The following CFAP96 variants were observed in gnomAD, a reference collection of about 807,000 sequenced individuals.
CFAP96 encodes cilia-and flagella-associated protein 96.
the CFAP96 span, among the ~76,000 whole-genome samples, chr4:185,447,413 C>G: frequency 1.3e-5 from 2 of 152,170 alleles, no homozygotes; most frequent in African/African-American, 4.8e-5. Context: ...ATCTCCTGAC[C>G]TCGTGATCCA....
chr4:185,446,385 G>A, the CFAP96 span, among the ~76,000 whole-genome samples: 1 of 152,108 alleles, frequency 6.6e-6, no homozygotes, highest in Admixed American at 6.6e-5. Flanking sequence ...AACTTAGATG[G>A]TGTTCATACT....
chr4:185,420,371 C>T, the CFAP96 span, among the ~76,000 whole-genome samples: 1 of 152,184 alleles, frequency 6.6e-6, no homozygotes, highest in South Asian at 2.1e-4. Flanking sequence ...AAAGTCAAAA[C>T]AATATAAGAA....
At chr4:185,439,814 C>CTG in the CFAP96 span, among the ~76,000 whole-genome samples, 1 of 5,220 alleles carries the variant, frequency 1.9e-4, no homozygotes, top group African/African-American at 2.4e-4. Flanking sequence ...TATACATATA[C>CTG]TCATATATGT....
the CFAP96 span, among the ~76,000 whole-genome samples, chr4:185,436,712 A>AAAT: frequency 0.083 from 11,974 of 144,054 alleles, 585 homozygotes; most frequent in South Asian, 0.2. Context: ...TCCGTCTCAA[A>AAAT]AATAATAATA....
the CFAP96 span, among the ~76,000 whole-genome samples, chr4:185,435,469 A>G: frequency 1.8e-4 from 27 of 152,354 alleles, no homozygotes; most frequent in African/African-American, 5.5e-4. Flanking sequence ...AAGTTTTAAG[A>G]AAAATTTGTT....
chr4:185,432,699 C>T, the CFAP96 span, among the ~76,000 whole-genome samples: 1 of 151,922 alleles, frequency 6.6e-6, no homozygotes, highest in Non-Finnish European at 1.5e-5. Flanking sequence ...CCCATCTCTA[C>T]AAAAGTTAAA....
chr4:185,417,505 T>C, the CFAP96 span, among the ~76,000 whole-genome samples: 6 of 152,286 alleles, frequency 3.9e-5, no homozygotes, highest in East Asian at 1.2e-3. Context: ...TCCCTAAATA[T>C]CTCTTGTATG....
At chr4:185,420,241 T>A in the CFAP96 span, among the ~76,000 whole-genome samples, 1 of 152,224 alleles carries the variant, frequency 6.6e-6, no homozygotes, top group Non-Finnish European at 1.5e-5. Flanking sequence ...TTGTTTTTGT[T>A]TTCAAGGATT....
chr4:185,437,283 T>TTTTTTTTTA, the CFAP96 span, among the ~76,000 whole-genome samples: 1 of 152,220 alleles, frequency 6.6e-6, no homozygotes, highest in Non-Finnish European at 1.5e-5. Flanking sequence ...ATTTGACTTG[T>TTTTTTTTTA]AATGAGACCT....
At chr4:185,433,013 C>T in the CFAP96 span, among the ~76,000 whole-genome samples, 212 of 152,124 alleles carry the variant, frequency 1.4e-3, no homozygotes, top group African/African-American at 4.7e-3. Context: ...TTCTGGGCCA[C>T]GCCTGGCCAG....
At chr4:185,422,725 AGC>A in the CFAP96 span, among the ~76,000 whole-genome samples, 1 of 152,216 alleles carries the variant, frequency 6.6e-6, no homozygotes, top group Non-Finnish European at 1.5e-5. Context: ...CAAAAACAAA[AGC>A]AACCCCAAAA....
At chr4:185,418,171 TAAGTA>T in the CFAP96 span, among the ~76,000 whole-genome samples, 1 of 152,174 alleles carries the variant, frequency 6.6e-6, no homozygotes, top group African/African-American at 2.4e-5. Context: ...CGATTTAATT[TAAGTA>T]ATTTATAAAT....
the CFAP96 span, among the ~76,000 whole-genome samples, chr4:185,412,555 T>C: frequency 1.3e-5 from 2 of 152,032 alleles, no homozygotes; most frequent in African/African-American, 4.8e-5. Context: ...AGGTGCAGAG[T>C]TAGCCAGGCA....
the CFAP96 span, among the ~76,000 whole-genome samples, chr4:185,443,693 C>T: frequency 6.6e-6 from 1 of 152,008 alleles, no homozygotes; most frequent in Middle Eastern, 3.4e-3. Context: ...ACTTTCCTCA[C>T]TTCTTTTTCA....
At chr4:185,415,792 C>T in the CFAP96 span, 3 of 1,613,658 alleles carry the variant, frequency 1.9e-6, no homozygotes, top group South Asian at 2.2e-5. Context: ...CCTCCGCTTT[C>T]CCTTTCAATG....
the CFAP96 span, chr4:185,408,490 T>A: frequency 2.6e-6 from 4 of 1,533,558 alleles, no homozygotes; most frequent in Non-Finnish European, 2.7e-6. Flanking sequence ...AAGTACATAT[T>A]CTATATATGC....
chr4:185,428,086 CAAA>C, the CFAP96 span, among the ~76,000 whole-genome samples: 788 of 141,328 alleles, frequency 5.6e-3, 5 homozygotes, highest in South Asian at 0.033. Flanking sequence ...AACTCTGTCT[CAAA>C]AAAAAAAAAA....
At chr4:185,412,247 C>A in the CFAP96 span, among the ~76,000 whole-genome samples, 1 of 152,156 alleles carries the variant, frequency 6.6e-6, no homozygotes, top group Non-Finnish European at 1.5e-5. Context: ...AAAAAGCAAT[C>A]AGTACTCATT....
the CFAP96 span, among the ~76,000 whole-genome samples, chr4:185,414,990 GT>G: frequency 4.6e-5 from 7 of 152,040 alleles, no homozygotes; most frequent in Admixed American, 1.3e-4. Flanking sequence ...ACTACTTAAA[GT>G]TTCATGAGAA....
Sources: allele counts gnomAD v4.1 joint callset (sites outside exome capture counted in the v4.1 genomes callset), GRCh38; gene constraint gnomAD v4.1.1; transcripts MANE v1.5; gene names NCBI Gene and HGNC (gene_info 2026-07-23, HGNC 2026-07-21).